EYS: variants seen among roughly 807,000 people sequenced by gnomAD.
EYS encodes protein eyes shut homolog.
A neutral mutation model predicts 282.1 loss-of-function variants in EYS; 250 were observed. The observed-to-expected ratio is 0.89, with a 90% CI of 0.80 to 0.98. EYS has a LOEUF of 0.98. EYS is among the 50% of genes least tolerant of loss of function. The probability of loss-of-function intolerance (pLI) is 0.00; values close to 1 mark genes in which losing one functional copy is unlikely to be tolerated. For synonymous variants in EYS, 1,355 were observed against 1,282.9 expected (o/e 1.06, Z -1.20); for missense variants, 4,016 against 3,709.0 (o/e 1.08, Z -2.15).
chr6:64,799,308 T>C (rs141238895), intron 22 of EYS, among the ~76,000 whole-genome samples: 2 of 152,098 alleles, frequency 1.3e-5, no homozygotes, highest in Non-Finnish European at 2.9e-5. Context: ...GATAAGCTCA[T>C]CCTTTGAGAT....
chr6:65,292,903 G>T (rs2150284250), intron 12 of EYS, among the ~76,000 whole-genome samples: 1 of 151,852 alleles, frequency 6.6e-6, no homozygotes, highest in Non-Finnish European at 1.5e-5. Context: ...GAGTCATAAA[G>T]ATTTGCAAGT....
chr6:65,454,075 T>A (rs80278713), intron 5 of EYS, among the ~76,000 whole-genome samples: 1 of 151,062 alleles, frequency 6.6e-6, no homozygotes, highest in African/African-American at 2.4e-5. Flanking sequence ...ATGGTAGTTC[T>A]ATTTTTCATT....
At chr6:64,624,129 C>T (rs1402666075) in intron 23 of EYS, among the ~76,000 whole-genome samples, 4 of 152,054 alleles carry the variant, frequency 2.6e-5, no homozygotes, top group Non-Finnish European at 5.9e-5. Context: ...TGAATAACGC[C>T]TAGCAATACA....
At chr6:64,617,059 T>C (rs532155685) in intron 24 of EYS, among the ~76,000 whole-genome samples, 1 of 152,160 alleles carries the variant, frequency 6.6e-6, no homozygotes, top group South Asian at 2.1e-4. Context: ...TAGTACTATG[T>C]CCTTGGGCAA....
chr6:64,778,601 C>T (rs1005000111), intron 22 of EYS, among the ~76,000 whole-genome samples: 7 of 152,112 alleles, frequency 4.6e-5, no homozygotes, highest in African/African-American at 1.7e-4. Context: ...AAGAGAATGA[C>T]AGATAAGCCA....
At chr6:64,131,533 G>A (rs577432420) in intron 31 of EYS, among the ~76,000 whole-genome samples, 1 of 152,240 alleles carries the variant, frequency 6.6e-6, no homozygotes, top group East Asian at 1.9e-4. Flanking sequence ...TGACTTGTGT[G>A]TGGGGGAGCA....
chr6:64,475,752 T>G (rs1431434417), intron 26 of EYS, among the ~76,000 whole-genome samples: 1 of 148,678 alleles, frequency 6.7e-6, no homozygotes, highest in African/African-American at 2.5e-5. Context: ...TAAAAAAAAA[T>G]CATTTAATTT....
At chr6:65,270,693 C>T (rs1172748107) in intron 12 of EYS, among the ~76,000 whole-genome samples, 1 of 151,956 alleles carries the variant, frequency 6.6e-6, no homozygotes, top group Admixed American at 6.6e-5. Context: ...GAAGTTTCTT[C>T]AATTAAATAT....
At chr6:64,330,437 G>A (rs917190825) in intron 29 of EYS, among the ~76,000 whole-genome samples, 14 of 152,140 alleles carry the variant, frequency 9.2e-5, no homozygotes, top group Non-Finnish European at 1.6e-4. Context: ...CCCCTCCTGT[G>A]GGGAAAAGAG....
chr6:64,177,859 G>A (rs184515026), intron 31 of EYS, among the ~76,000 whole-genome samples: 260 of 152,214 alleles, frequency 1.7e-3, no homozygotes, highest in African/African-American at 5.9e-3. Context: ...CTGTCCAGAA[G>A]GTTTTCCCCT....
rs571408247 is a variant in EYS, at chr6:64,702,270, A to C, written c.3444-76025T>G. ...CCCTTTCTACAAAGATGAAATAGAG[A>C]ACAGAGCCTACCAGTATCAATCATA... On this transcript the variant is annotated intron_variant, in intron 22 of 42. Coordinates refer to ENST00000503581, the MANE Select transcript of EYS (RefSeq NM_001142800.2). 1.5e-4 allele frequency among the ~76,000 whole-genome samples: 23 copies of C among 152,198 alleles called. 2 individuals are homozygous for C. Among genetic ancestry groups the C allele is most frequent in the African/African-American group, 5.5e-4 (23 of 41,580 alleles).
At chr6:65,252,795 A>G (rs1767361394) in intron 12 of EYS, among the ~76,000 whole-genome samples, 1 of 152,070 alleles carries the variant, frequency 6.6e-6, no homozygotes, top group Non-Finnish European at 1.5e-5. Context: ...AAATTTTACA[A>G]TTGAAAATTG....
intron 28 of EYS, among the ~76,000 whole-genome samples, chr6:64,424,474 T>TA (rs947782148): frequency 6.6e-6 from 1 of 152,220 alleles, no homozygotes; most frequent in Non-Finnish European, 1.5e-5. Flanking sequence ...TCTAAGCAGT[T>TA]AGACAGCCTA....
At chr6:64,982,598 G>A (rs1440755309) in intron 14 of EYS, among the ~76,000 whole-genome samples, 1 of 151,108 alleles carries the variant, frequency 6.6e-6, no homozygotes, top group Non-Finnish European at 1.5e-5. Context: ...TAGGGACATA[G>A]AATCAATTGT....
At chr6:64,309,761 T>A (rs1258959184) in intron 29 of EYS, among the ~76,000 whole-genome samples, 1 of 151,760 alleles carries the variant, frequency 6.6e-6, no homozygotes, top group Admixed American at 6.6e-5. Flanking sequence ...GGTCAAGAGA[T>A]CAAGACCATC....
rs369764555 is a variant in EYS, at chr6:64,951,942, CA to C, written c.2260-6029del. Among the ~76,000 whole-genome samples the C allele has an allele frequency of 1.3e-3, 203 of 151,816 alleles. 2 individuals carry two copies. The highest frequency in any genetic ancestry group is 3.4e-3 in the Middle Eastern group (1 of 294). On this transcript the variant is annotated intron_variant, in intron 14 of 42. Transcript: ENST00000503581. Reference sequence around the variant, plus strand: ...CTGCCTGAGAATTTTCAAAAGATGGCAAAAAGAGAGTGACCACAGATTTAGA... The same window carrying C: ...CTGCCTGAGAATTTTCAAAAGATGGCAAAAGAGAGTGACCACAGATTTAGA...
At chr6:65,704,517 T>A (rs1180946736) in intron 1 of EYS, among the ~76,000 whole-genome samples, 1 of 152,220 alleles carries the variant, frequency 6.6e-6, no homozygotes, top group Non-Finnish European at 1.5e-5. Flanking sequence ...AAAGAATGTG[T>A]GCTTGATGGA....
At chr6:64,927,126 C>T (rs530291146) in intron 15 of EYS, among the ~76,000 whole-genome samples, 2 of 152,112 alleles carry the variant, frequency 1.3e-5, no homozygotes, top group African/African-American at 4.8e-5. Context: ...AAATTGAAGG[C>T]AAAATGTAAC....
At chr6:64,576,806 T>C (rs1469818032) in intron 26 of EYS, among the ~76,000 whole-genome samples, 1 of 152,142 alleles carries the variant, frequency 6.6e-6, no homozygotes, top group African/African-American at 2.4e-5. Flanking sequence ...CTAAGAAAGC[T>C]AATTTAGTAT....
Sources: gnomAD v4.1 joint callset for allele counts (sites outside exome capture counted in the v4.1 genomes callset) on GRCh38, gnomAD v4.1.1 for gene constraint, MANE v1.5 for transcripts, NCBI Gene and HGNC (gene_info 2026-07-23, HGNC 2026-07-21) for gene names.